The following CTNNA2 variants were observed in gnomAD, a reference collection of about 807,000 sequenced individuals.
The protein encoded by CTNNA2 is catenin alpha 2, also known as catenin alpha-2.
CTNNA2 carries 42 observed loss-of-function variants against 101.0 expected under a neutral mutation model. The observed-to-expected ratio is 0.42, with a 90% CI of 0.32 to 0.54. The LOEUF (loss-of-function observed/expected upper bound fraction) is 0.54, where lower values mean the gene tolerates loss of function less well. CTNNA2 is among the 20% of genes least tolerant of loss of function. The pLI is 0.14. For synonymous variants in CTNNA2, 450 were observed against 456.4 expected (o/e 0.99, Z 0.18); for missense variants, 871 against 1,223.1 (o/e 0.71, Z 4.29).
chr2:80,060,786 A>G (rs1016518977), intron 7 of CTNNA2, among the ~76,000 whole-genome samples: 1 of 152,186 alleles, frequency 6.6e-6, no homozygotes, highest in Non-Finnish European at 1.5e-5. Context: ...TCTCCCTGTC[A>G]GGGCCAAGGC....
intron 3 of CTNNA2, among the ~76,000 whole-genome samples, chr2:79,783,827 GATCT>G (rs1462993716): frequency 6.6e-6 from 1 of 152,080 alleles, no homozygotes; most frequent in Non-Finnish European, 1.5e-5. Context: ...AACTTTCACA[GATCT>G]ATCACATTAA....
chr2:79,980,239 A>G (rs1361505923), intron 7 of CTNNA2, among the ~76,000 whole-genome samples: 6 of 152,184 alleles, frequency 3.9e-5, no homozygotes, highest in Non-Finnish European at 7.4e-5. Context: ...TGGTCCTGAA[A>G]TGACATTGTC....
rs70940087 is a variant in CTNNA2, at chr2:80,564,509, G to GTT, written c.1741+8632_1741+8633dup. ...AGTTGTCGTGAATGGAATTTAGAGA[G>GTT]TTTTTTTTTTTTTTTTTACCCCCTC... On this transcript the variant is annotated intron_variant, in intron 12 of 18. Coordinates refer to ENST00000402739, the MANE Select transcript of CTNNA2 (RefSeq NM_001282597.3). 6.1e-3 allele frequency among the ~76,000 whole-genome samples: 862 copies of GTT among 141,368 alleles called. 6 individuals carry two copies. Among genetic ancestry groups the GTT allele is most frequent in the African/African-American group, 0.018 (673 of 38,380 alleles). The allele number at this position is 141,368 out of a possible 152,430, so 92.7% of individuals were successfully genotyped here.
chr2:80,492,047 T>G (rs971863547), intron 9 of CTNNA2, among the ~76,000 whole-genome samples: 4 of 152,124 alleles, frequency 2.6e-5, no homozygotes, highest in African/African-American at 9.7e-5. Context: ...GGTGATATGG[T>G]GTGGATTTGT....
chr2:79,483,040 C>T (rs147721704), intron 4 of CTNNA2, among the ~76,000 whole-genome samples: 131 of 152,292 alleles, frequency 8.6e-4, no homozygotes, highest in African/African-American at 3.1e-3. Flanking sequence ...AAATAATCAC[C>T]AAATCTTAGC....
chr2:79,311,665 A>G (rs1676377638), intron 2 of CTNNA2, among the ~76,000 whole-genome samples: 1 of 151,940 alleles, frequency 6.6e-6, no homozygotes, highest in African/African-American at 2.4e-5. Context: ...ATCTCATACT[A>G]TTCTACTACT....
intron 7 of CTNNA2, among the ~76,000 whole-genome samples, chr2:80,201,351 A>C (rs1383825761): frequency 6.8e-6 from 1 of 148,082 alleles, no homozygotes. Flanking sequence ...CGTATCCACA[A>C]TATTTCTTTT....
intron 7 of CTNNA2, among the ~76,000 whole-genome samples, chr2:80,192,517 ACTTTT>A (rs1019906622): frequency 1.3e-5 from 2 of 151,538 alleles, no homozygotes; most frequent in African/African-American, 4.8e-5. Context: ...AATCTGTAAA[ACTTTT>A]CTTTTTTTTT....
chr2:79,193,845 C>T (rs771667706), intron 1 of CTNNA2, among the ~76,000 whole-genome samples: 4 of 152,078 alleles, frequency 2.6e-5, no homozygotes, highest in Non-Finnish European at 5.9e-5. Context: ...TCCTCATTTG[C>T]CACAAGGGAT....
chr2:79,951,151 A>G (rs1416987216), intron 7 of CTNNA2, among the ~76,000 whole-genome samples: 2 of 152,230 alleles, frequency 1.3e-5, no homozygotes, highest in African/African-American at 4.8e-5. Flanking sequence ...ATATCTAACT[A>G]TAATTTCACA....
intron 2 of CTNNA2, among the ~76,000 whole-genome samples, chr2:79,673,062 A>G (rs1386836349): frequency 6.6e-6 from 1 of 152,268 alleles, no homozygotes; most frequent in African/African-American, 2.4e-5. Flanking sequence ...TATATTGTCA[A>G]TATTTACCAA....
At chr2:80,578,665 T>C (rs1453160683) in intron 13 of CTNNA2, among the ~76,000 whole-genome samples, 1 of 152,142 alleles carries the variant, frequency 6.6e-6, no homozygotes, top group African/African-American at 2.4e-5. Context: ...ATTTGCCTGG[T>C]GGTATTTGTG....
chr2:79,328,042 G>A (rs2104415640), intron 3 of CTNNA2, among the ~76,000 whole-genome samples: 1 of 152,244 alleles, frequency 6.6e-6, no homozygotes, highest in South Asian at 2.1e-4. Context: ...ATGAAAGAGA[G>A]AAGAGTTAGA....
intron 2 of CTNNA2, among the ~76,000 whole-genome samples, chr2:79,240,583 A>T (rs1674614310): frequency 6.6e-6 from 1 of 152,078 alleles, no homozygotes; most frequent in Non-Finnish European, 1.5e-5. Flanking sequence ...CTGTCAATTG[A>T]TTGTTGGATC....
chr2:79,966,465 G>C (rs939504698), intron 7 of CTNNA2, among the ~76,000 whole-genome samples: 1 of 152,028 alleles, frequency 6.6e-6, no homozygotes, highest in African/African-American at 2.4e-5. Flanking sequence ...CAAATGCTTG[G>C]GCTCCATTGA....
At chr2:79,924,819 T>G (rs1686916801) in intron 7 of CTNNA2, among the ~76,000 whole-genome samples, 1 of 152,144 alleles carries the variant, frequency 6.6e-6, no homozygotes. Flanking sequence ...TCATTCCTAA[T>G]GACAGCATTA....
intron 7 of CTNNA2, among the ~76,000 whole-genome samples, chr2:80,110,040 T>C (rs937045772): frequency 2.6e-5 from 4 of 152,188 alleles, no homozygotes; most frequent in Non-Finnish European, 4.4e-5. Flanking sequence ...GTGTTGTCAC[T>C]GAAAATTTGT....
At chr2:79,895,693 T>TTA (rs543406245) in intron 6 of CTNNA2, among the ~76,000 whole-genome samples, 5 of 24,320 alleles carry the variant, frequency 2.1e-4, no homozygotes, top group South Asian at 1.0e-3. Flanking sequence ...AATTTCTTAA[T>TTA]TTTTTTTTTT....
intron 3 of CTNNA2, among the ~76,000 whole-genome samples, chr2:79,841,488 A>C (rs1679807508): frequency 6.6e-6 from 1 of 152,240 alleles, no homozygotes; most frequent in Non-Finnish European, 1.5e-5. Flanking sequence ...ATTTTTAAGA[A>C]GGTGGGAATT....
Sources: allele counts gnomAD v4.1 joint callset (sites outside exome capture counted in the v4.1 genomes callset), GRCh38; gene constraint gnomAD v4.1.1; transcripts MANE v1.5; gene names NCBI Gene and HGNC (gene_info 2026-07-23, HGNC 2026-07-21).